Variants in ASAH2 observed in about 807,000 individuals in gnomAD.
ASAH2 encodes the protein neutral ceramidase.
A neutral mutation model predicts 82.9 loss-of-function variants in ASAH2; 58 were observed. That is an observed-to-expected ratio of 0.70 (90% CI 0.57 to 0.87). The LOEUF (loss-of-function observed/expected upper bound fraction) is 0.87. ASAH2 is among the 40% of genes least tolerant of loss of function. The probability of loss-of-function intolerance (pLI) is 0.00; values close to 1 mark genes in which losing one functional copy is unlikely to be tolerated. For missense variants in ASAH2, 779 were observed against 834.0 expected (o/e 0.93, Z 0.81); for synonymous variants, 276 against 289.7 (o/e 0.95, Z 0.48).
chr10:50,245,574 C>T, intron 2 of ASAH2, 120 bp from the exon 3 acceptor site: 1 of 882,882 alleles, frequency 1.1e-6, no homozygotes, highest in Non-Finnish European at 1.7e-6. Context: ...TTTTCTTATA[C>T]ATAAAAATAT....
chr10:50,196,068 AAT>A (rs1844971645), intron 18 of ASAH2, among the ~76,000 whole-genome samples: 1 of 152,026 alleles, frequency 6.6e-6, no homozygotes, highest in Admixed American at 6.6e-5. Flanking sequence ...AACAAAAAAT[AAT>A]ATGTGACATA....
chr10:50,243,253 T>G lies in ASAH2; in HGVS notation c.459A>C (p.Thr153=), dbSNP rs763122143. Residue 153 remains threonine, a synonymous_variant, in exon 4 of 21, where the codon ACA becomes ACC. Transcript: ENST00000682911. Reference sequence around the variant, plus strand: ...TGCCTATGTCGATGCTGACAAACACTGTTCGATTGGACCCATCAGGTTCTG... The same window carrying G: ...TGCCTATGTCGATGCTGACAAACACGGTTCGATTGGACCCATCAGGTTCTG... ...IMAEPDGSNR[T]VFVSIDIGMV... The G allele has an allele frequency of 2.5e-6, 4 of 1,614,130 alleles. No homozygotes were observed. Among genetic ancestry groups the G allele is most frequent in the Non-Finnish European group, 3.4e-6 (4 of 1,179,972 alleles).
At chr10:50,236,519 C>T (rs996611734) in intron 4 of ASAH2, among the ~76,000 whole-genome samples, 51 of 151,980 alleles carry the variant, frequency 3.4e-4, no homozygotes, top group Admixed American at 7.2e-4. Context: ...GAGATTTGGG[C>T]GGAGACACAG....
Position 50,235,882 on chromosome 10 carries a change from G to A in ASAH2, c.687+6C>T, listed in dbSNP as rs1846146867. The stretch of plus-strand genomic sequence containing the variant: ...AGAACAGCTGCCTCTGGGGCTCTTT[G>A]CCTACCTTCAAGATACCAGTGACCA... On this transcript the variant is annotated splice_donor_region_variant and intron_variant, in intron 5 of 20. Transcript: ENST00000682911. 4 of 1,613,014 alleles carry A rather than the reference G, an allele frequency of 2.5e-6. No homozygotes were observed. In the East Asian group the frequency reaches 6.7e-5, roughly 27 times the overall value.
chr10:50,212,786 G>A (rs1484895644), intron 10 of ASAH2, among the ~76,000 whole-genome samples, 186 bp downstream of exon 10: 1 of 152,082 alleles, frequency 6.6e-6, no homozygotes, highest in African/African-American at 2.4e-5. Flanking sequence ...TCAGACCTGA[G>A]CAGTCAGACA....
chr10:50,245,260 G>C lies in ASAH2; in HGVS notation c.322C>G (p.Arg108Gly). The change falls in exon 3 of 21, where the codon CGA becomes GGA. Residue 108 changes from arginine to glycine, a missense_variant. Physicochemically the swap from Arg to Gly is moderately radical, Grantham distance 125 (BLOSUM62 -2). Transcript: ENST00000682911. ...NFSGYHIGVG[R>G]ADCTGQVADI... ...GCTACTTGTCCTGTGCAGTCAGCTC[G>C]TCCAACACCAATATGGTAGCCACTG... 1 of 1,614,022 alleles carries C rather than the reference G, an allele frequency of 6.2e-7. No homozygotes were observed. The highest frequency in any genetic ancestry group is 1.1e-5 in the South Asian group (1 of 91,078).
chr10:50,240,210 T>C (rs1341799259), intron 4 of ASAH2, among the ~76,000 whole-genome samples: 2 of 152,090 alleles, frequency 1.3e-5, no homozygotes, highest in African/African-American at 2.4e-5. Flanking sequence ...CAGTCTCACG[T>C]GATAAAGGGG....
intron 2 of ASAH2, 63 bp downstream of exon 2, chr10:50,248,421 A>G: frequency 1.3e-6 from 2 of 1,582,820 alleles, no homozygotes; most frequent in Middle Eastern, 1.7e-4. Context: ...TTTGGTGTCC[A>G]CAGTAATCAA....
chr10:50,200,378 T>C (rs1845108359), intron 16 of ASAH2, among the ~76,000 whole-genome samples: 1 of 150,916 alleles, frequency 6.6e-6, no homozygotes, highest in Non-Finnish European at 1.5e-5. Context: ...CTCCGCATAC[T>C]TACTCCATGC....
intron 7 of ASAH2, among the ~76,000 whole-genome samples, chr10:50,220,665 T>A (rs1200011949): frequency 2.0e-5 from 3 of 152,038 alleles, no homozygotes; most frequent in African/African-American, 7.2e-5. Context: ...AAATAACTAA[T>A]GGGTACTAGG....
Position 50,245,276 on chromosome 10 carries a change from G to C in ASAH2, c.306C>G (p.Tyr102Ter). The change falls in exon 3 of 21, where the codon TAC becomes TAG. Residue 102 changes from tyrosine to a stop codon, truncating the protein, a stop_gained. Coordinates refer to ENST00000682911, the MANE Select transcript of ASAH2 (RefSeq NM_019893.4). LOFTEE classifies it high-confidence loss of function. ...ESPLFQNFSGYHIGVGRADCT... is the reference protein window; with the variant it reads ...ESPLFQNFSG ...AGTCAGCTCGTCCAACACCAATATGGTAGCCACTGAAGTTCTGAAATAGAG... is the reference window on the plus strand; with the variant it reads ...AGTCAGCTCGTCCAACACCAATATGCTAGCCACTGAAGTTCTGAAATAGAG... 6.2e-7 allele frequency: 1 copy of C among 1,614,072 alleles called. No individual in the cohort carries two copies. The highest frequency in any genetic ancestry group is 8.5e-7 in the Non-Finnish European group (1 of 1,179,994).
Position 50,201,067 on chromosome 10 carries a change from G to A in ASAH2, c.1761+1762C>T, listed in dbSNP as rs570000576. 2.9e-4 allele frequency among the ~76,000 whole-genome samples: 44 copies of A among 152,064 alleles called. 1 individual carries two copies. In the East Asian group the frequency reaches 7.6e-3, roughly 26 times the overall value. Reference sequence around the variant, plus strand: ...TGGCACAGCAGAGAAAAGAGAAGGAGCATCTGAACTCTGAGAGGAGTTCGG... The same window carrying A: ...TGGCACAGCAGAGAAAAGAGAAGGAACATCTGAACTCTGAGAGGAGTTCGG... On this transcript the variant is annotated intron_variant, in intron 16 of 20. Coordinates refer to ENST00000682911, the MANE Select transcript of ASAH2 (RefSeq NM_019893.4).
intron 7 of ASAH2, among the ~76,000 whole-genome samples, chr10:50,226,797 T>C (rs1035491271): frequency 7.9e-5 from 12 of 152,134 alleles, no homozygotes; most frequent in Non-Finnish European, 1.0e-4. Context: ...CATTGTTCTA[T>C]TGTTCAAAGC....
chr10:50,215,625 T>C (rs1390028440), intron 8 of ASAH2, among the ~76,000 whole-genome samples: 38 of 152,120 alleles, frequency 2.5e-4, no homozygotes, highest in Non-Finnish European at 5.9e-5. Context: ...TGTGGTGTTA[T>C]TTCTGAGGCC....
At chr10:50,208,263 T>G (rs979306022) in intron 12 of ASAH2, among the ~76,000 whole-genome samples, 1 of 152,000 alleles carries the variant, frequency 6.6e-6, no homozygotes, top group Non-Finnish European at 1.5e-5. Context: ...ATATACACTC[T>G]TTTTACTTTT....
intron 17 of ASAH2, among the ~76,000 whole-genome samples, 166 bp from the exon 18 acceptor site, chr10:50,197,085 C>A (rs1845008553): frequency 6.8e-6 from 1 of 148,122 alleles, no homozygotes. Flanking sequence ...CCTTGCTAAG[C>A]ATGAGCCTAG....
rs936794691 is a variant in ASAH2, at chr10:50,206,144, C to CA, written c.1415-48dup. On this transcript the variant is annotated intron_variant, in intron 12 of 20. Transcript: ENST00000682911. The stretch of plus-strand genomic sequence containing the variant: ...GTATACTTCCTTGAACCAACCCTCT[C>CA]AAAAAAGTCATTATCTTGACAAATA... The CA allele has an allele frequency of 2.0e-5, 26 of 1,289,218 alleles. No homozygotes were observed. In the African/African-American group the frequency reaches 3.5e-4, roughly 17 times the overall value. 79.9% of individuals were successfully genotyped at this position (1,289,218 alleles called of 1,614,324 possible). A position where few individuals can be genotyped will look rare whatever the true frequency, so the allele number is the denominator to read the frequency against.
At chr10:50,248,219 C>T (rs1392723841) in intron 2 of ASAH2, among the ~76,000 whole-genome samples, 1 of 152,176 alleles carries the variant, frequency 6.6e-6, no homozygotes, top group East Asian at 1.9e-4. Context: ...GAATCTTGAG[C>T]TGTGCTTAGA....
intron 4 of ASAH2, 63 bp from the exon 5 acceptor site, chr10:50,236,127 G>C: frequency 1.4e-6 from 2 of 1,451,362 alleles, no homozygotes; most frequent in Non-Finnish European, 1.9e-6. Flanking sequence ...CATGAGAAAA[G>C]GCTTTGATGA....
Sources: gnomAD v4.1 joint callset for allele counts (sites outside exome capture counted in the v4.1 genomes callset) on GRCh38, gnomAD v4.1.1 for gene constraint, MANE v1.5 for transcripts, NCBI Gene and HGNC (gene_info 2026-07-23, HGNC 2026-07-21) for gene names.